C12orf42: variants seen among roughly 807,000 people sequenced by gnomAD.
C12orf42 encodes chromosome 12 open reading frame 42.
Under a neutral mutation model 21.6 loss-of-function variants are expected in C12orf42, and 25 were observed. That is an observed-to-expected ratio of 1.16 (90% CI 0.84 to 1.62). C12orf42 has a LOEUF of 1.62. C12orf42 is among the 40% of genes most tolerant of loss of function. The pLI is 0.00. For missense variants in C12orf42, 483 were observed against 459.3 expected (o/e 1.05, Z -0.47); for synonymous variants, 174 against 175.0 (o/e 0.99, Z 0.05).
chr12:103,093,602 C>A, the C12orf42 span, among the ~76,000 whole-genome samples: 4 of 152,084 alleles, frequency 2.6e-5, no homozygotes, highest in African/African-American at 9.7e-5. Flanking sequence ...ATTAGGTGGG[C>A]TCCAGGACAA....
In C12orf42 at chr12:103,432,762, T is replaced by G. The variant is rs962276695; in HGVS notation, c.79-31087A>C. ...TGCCTGGCATCCTCGTATGAAGAAG[T>G]TAGGACACAGATACACACACAGAGG... On this transcript the variant is annotated intron_variant, in intron 2 of 5. Coordinates refer to ENST00000548883, the MANE Select transcript of C12orf42 (RefSeq NM_198521.5). 2.6e-5 allele frequency among the ~76,000 whole-genome samples: 4 copies of G among 151,994 alleles called. No individual in the cohort carries two copies. The East Asian group carries it at 7.7e-4, about 29-fold the overall frequency.
In C12orf42 at chr12:103,495,907, G is replaced by A. The variant is rs1344092600; in HGVS notation, c.-27C>T. On this transcript the variant is annotated 5_prime_UTR_variant, in exon 1 of 6. Transcript: ENST00000548883. ...CCCGCGCTCCCTGCGTCTACCTGGA[G>A]CTGCAGGGTCCCTATCCCGGGGCGC... The A allele has an allele frequency of 1.3e-5, 2 of 152,434 alleles. No homozygotes were observed. The highest frequency in any genetic ancestry group is 3.8e-4 in the East Asian group (2 of 5,196). 9.4% of individuals were successfully genotyped at this position (152,434 alleles called of 1,614,324 possible).
chr12:103,387,610 GAAA>G (rs1203983660), intron 3 of C12orf42, among the ~76,000 whole-genome samples: 2 of 152,230 alleles, frequency 1.3e-5, no homozygotes, highest in African/African-American at 4.8e-5. Context: ...TCATACAGGA[GAAA>G]GTGTCCTCTT....
the C12orf42 span, among the ~76,000 whole-genome samples, chr12:103,057,084 T>G: frequency 6.6e-6 from 1 of 152,176 alleles, no homozygotes; most frequent in East Asian, 1.9e-4. Context: ...GAATATTTCA[T>G]GCATTGTGTT....
chr12:103,323,491 T>C (rs2040382151), intron 4 of C12orf42, among the ~76,000 whole-genome samples: 1 of 151,250 alleles, frequency 6.6e-6, no homozygotes, highest in African/African-American at 2.4e-5. Context: ...CCAAAAAAAA[T>C]ACAGTTTAGC....
intron 3 of C12orf42, among the ~76,000 whole-genome samples, chr12:103,375,746 T>C (rs1298889399): frequency 6.6e-6 from 1 of 152,194 alleles, no homozygotes; most frequent in East Asian, 1.9e-4. Flanking sequence ...CTACCCTTTC[T>C]TCTGCTTTCA....
chr12:103,361,740 C>A lies in C12orf42; in HGVS notation c.259+7147G>T, dbSNP rs892055468. On this transcript the variant is annotated intron_variant, in intron 4 of 5. Transcript: ENST00000548883. Reference sequence around the variant, plus strand: ...AGGCCTGTGACTGCCAGCTTTCCCCCACTTCCCTGACTACCTGCATGACAC... The same window carrying A: ...AGGCCTGTGACTGCCAGCTTTCCCCAACTTCCCTGACTACCTGCATGACAC... Among the ~76,000 whole-genome samples the A allele has an allele frequency of 3.3e-5, 5 of 151,994 alleles. No homozygotes were observed. In the East Asian group the frequency reaches 9.7e-4, roughly 30 times the overall value.
At chr12:103,130,480 G>T in the C12orf42 span, among the ~76,000 whole-genome samples, 1 of 152,052 alleles carries the variant, frequency 6.6e-6, no homozygotes, top group Non-Finnish European at 1.5e-5. Context: ...CCTTTGAATT[G>T]GAAGAATAAT....
At chr12:103,281,957 A>AAGAAAGAAAGAAAGAAAG (rs1200428797) in intron 4 of C12orf42, among the ~76,000 whole-genome samples, 1 of 148,942 alleles carries the variant, frequency 6.7e-6, no homozygotes, top group African/African-American at 2.5e-5. Context: ...GAAAGAAAGA[A>AAGAAAGAAAGAAAGAAAG]AGAAAGAGAT....
the C12orf42 span, among the ~76,000 whole-genome samples, chr12:103,149,664 CA>C: frequency 6.6e-6 from 1 of 152,134 alleles, no homozygotes; most frequent in African/African-American, 2.4e-5. Context: ...CCCCTTCTCG[CA>C]CTTCTCCCTC....
chr12:103,196,216 T>C, the C12orf42 span, among the ~76,000 whole-genome samples: 1 of 152,198 alleles, frequency 6.6e-6, no homozygotes, highest in African/African-American at 2.4e-5. Context: ...AGGAGATTGT[T>C]TAATTTCCAT....
chr12:103,507,151 A>AAT, the C12orf42 span, among the ~76,000 whole-genome samples: 6 of 18,414 alleles, frequency 3.3e-4, no homozygotes, highest in Admixed American at 3.9e-3. Context: ...ATATAATATA[A>AAT]ATATATATAT....
chr12:103,313,891 A>G (rs1056848519), intron 4 of C12orf42, among the ~76,000 whole-genome samples: 13 of 152,216 alleles, frequency 8.5e-5, no homozygotes, highest in Admixed American at 2.6e-4. Context: ...GAGATATGAC[A>G]GAATAAGGCA....
At chr12:103,180,297 C>A in the C12orf42 span, among the ~76,000 whole-genome samples, 5 of 151,822 alleles carry the variant, frequency 3.3e-5, no homozygotes, top group African/African-American at 1.2e-4. Flanking sequence ...AATTAGGTGG[C>A]AAGTAGGAAA....
upstream of C12orf42, chr12:103,496,019 C>T (rs1269150949): frequency 6.6e-6 from 1 of 152,300 alleles, no homozygotes; most frequent in Non-Finnish European, 1.5e-5. Flanking sequence ...TCCGCAGTCG[C>T]CGGGCAACCA....
chr12:103,424,779 G>A (rs1031670098), intron 2 of C12orf42, among the ~76,000 whole-genome samples: 1 of 152,142 alleles, frequency 6.6e-6, no homozygotes, highest in Non-Finnish European at 1.5e-5. Context: ...AGGAGTTTTT[G>A]TTTTGTTTTG....
chr12:103,186,715 A>G, the C12orf42 span, among the ~76,000 whole-genome samples: 12 of 152,300 alleles, frequency 7.9e-5, no homozygotes, highest in African/African-American at 2.9e-4. Flanking sequence ...ACAAGGTTCA[A>G]GTGGGATGTA....
chr12:103,415,640 T>A (rs1268485032), intron 2 of C12orf42, among the ~76,000 whole-genome samples: 3 of 152,176 alleles, frequency 2.0e-5, no homozygotes, highest in African/African-American at 7.2e-5. Flanking sequence ...ATTTTTAAGA[T>A]AGCTGCGGAA....
intron 2 of C12orf42, among the ~76,000 whole-genome samples, chr12:103,432,865 C>T (rs1950369950): frequency 6.6e-6 from 1 of 152,150 alleles, no homozygotes; most frequent in South Asian, 2.1e-4. Flanking sequence ...CCTGCCAGCA[C>T]CTTGATCTCG....
Sources: allele counts gnomAD v4.1 joint callset (sites outside exome capture counted in the v4.1 genomes callset), GRCh38; gene constraint gnomAD v4.1.1; transcripts MANE v1.5; gene names NCBI Gene and HGNC (gene_info 2026-07-23, HGNC 2026-07-21).